The following RCC1L variants were observed in gnomAD, a reference collection of about 807,000 sequenced individuals.
RCC1L encodes the protein RCC1 like, also known as RCC1-like G exchanging factor-like protein.
RCC1L carries 46 observed loss-of-function variants against 58.6 expected under a neutral mutation model. The ratio of observed to expected loss-of-function variants is 0.79; its 90% CI spans 0.62 to 1.00. The LOEUF (loss-of-function observed/expected upper bound fraction) is 1.00. Ranked by LOEUF, RCC1L falls within the 50% of genes least tolerant of loss-of-function variation. The pLI is 0.00. For missense variants in RCC1L, 636 were observed against 623.6 expected (o/e 1.02, Z -0.21); for synonymous variants, 281 against 262.9 (o/e 1.07, Z -0.67).
intron 3 of RCC1L, among the ~76,000 whole-genome samples, chr7:75,065,332 A>G (rs1466625728): frequency 6.6e-6 from 1 of 152,184 alleles, no homozygotes; most frequent in Non-Finnish European, 1.5e-5. Flanking sequence ...AGGCAGGTGG[A>G]TCACTTGAGG....
downstream of RCC1L, among the ~76,000 whole-genome samples, chr7:75,039,817 G>C (rs1234050249): frequency 6.6e-6 from 1 of 152,176 alleles, no homozygotes; most frequent in Non-Finnish European, 1.5e-5. Flanking sequence ...TCACTAAAGC[G>C]AGAGGAGACG....
At chr7:75,060,203 C>T (rs1433777617) in intron 6 of RCC1L, among the ~76,000 whole-genome samples, 5 of 152,346 alleles carry the variant, frequency 3.3e-5, no homozygotes, top group Middle Eastern at 3.4e-3. Flanking sequence ...CATGGGTTGG[C>T]AGCTTATTGC....
chr7:75,065,792 C>T (rs587763449), intron 3 of RCC1L, among the ~76,000 whole-genome samples: 3 of 151,742 alleles, frequency 2.0e-5, no homozygotes, highest in African/African-American at 7.3e-5. Context: ...CCGAGGTGGG[C>T]GGATCACCTG....
chr7:75,052,907 AC>A (rs1366443178), intron 9 of RCC1L, 111 bp from the exon 10 acceptor site: 2 of 1,022,454 alleles, frequency 2.0e-6, no homozygotes, highest in East Asian at 5.1e-5. Context: ...TACAGAGCCC[AC>A]TGTTCAGCTT....
chr7:75,042,062 TA>T, downstream of RCC1L: 1 of 588,752 alleles, frequency 1.7e-6, no homozygotes, highest in Non-Finnish European at 2.1e-6. Flanking sequence ...AAAAATAAAA[TA>T]AAAAGACCTC....
downstream of RCC1L, among the ~76,000 whole-genome samples, chr7:75,038,576 T>C (rs1325488595): frequency 2.0e-5 from 3 of 149,676 alleles, no homozygotes; most frequent in Non-Finnish European, 4.4e-5. Flanking sequence ...TCCTACTCCA[T>C]GGGTGGGGGC....
chr7:75,035,823 G>T (rs1035143697), intron 10 of RCC1L, among the ~76,000 whole-genome samples: 2 of 151,900 alleles, frequency 1.3e-5, no homozygotes, highest in Non-Finnish European at 2.9e-5. Context: ...GCAACACAGT[G>T]AGGTCCCCCC....
downstream of RCC1L, among the ~76,000 whole-genome samples, chr7:75,038,387 G>C (rs1049170549): frequency 1.3e-5 from 2 of 151,710 alleles, no homozygotes; most frequent in African/African-American, 4.8e-5. Flanking sequence ...GAGTAGCTGG[G>C]ATTCCAGGCA....
intron 4 of RCC1L, among the ~76,000 whole-genome samples, chr7:75,064,193 G>A (rs1255561137): frequency 6.6e-6 from 1 of 151,862 alleles, no homozygotes; most frequent in East Asian, 1.9e-4. Context: ...AGCCGGGCCT[G>A]CTGGCACGTG....
intron 10 of RCC1L, among the ~76,000 whole-genome samples, chr7:75,051,848 A>G (rs1486615230): frequency 1.3e-5 from 2 of 152,202 alleles, no homozygotes; most frequent in Non-Finnish European, 2.9e-5. Context: ...CATGCACACC[A>G]GTCTCTATGC....
intron 2 of RCC1L, among the ~76,000 whole-genome samples, chr7:75,067,265 C>T (rs1012586349): frequency 6.7e-6 from 1 of 149,946 alleles, no homozygotes; most frequent in Non-Finnish European, 1.5e-5. Flanking sequence ...TGCGCCATTG[C>T]ACTTCAGCCT....
rs983507165 is a variant in RCC1L at position 75,058,326 on chromosome 7, C to T, written c.969+262G>A. The T allele has an allele frequency of 5.2e-5, 23 of 442,342 alleles. No homozygotes were observed. The East Asian group carries it at 8.2e-4, about 16-fold the overall frequency. The allele number at this position is 442,342 out of a possible 1,614,324, so 27.4% of individuals were successfully genotyped here. On this transcript the variant is annotated intron_variant, in intron 7 of 10. Transcript: ENST00000610322. ...ATCTCAGCTCACTGCAATCTGCAAGCGATTCAATTCTCATGCCTCAGCCTC... is the reference window on the plus strand; with the variant it reads ...ATCTCAGCTCACTGCAATCTGCAAGTGATTCAATTCTCATGCCTCAGCCTC...
At chr7:75,064,147 T>C (rs1299560998) in intron 4 of RCC1L, among the ~76,000 whole-genome samples, 1 of 151,930 alleles carries the variant, frequency 6.6e-6, no homozygotes, top group African/African-American at 2.4e-5. Context: ...CTGGCCAATA[T>C]GGTGAAACCC....
Position 75,042,621 on chromosome 7 carries a change from C to T in RCC1L, c.*411G>A, listed in dbSNP as rs1003283291. The T allele has an allele frequency of 4.2e-5, 44 of 1,037,074 alleles. No individual in the cohort carries two copies. In the East Asian group the frequency reaches 1.0e-3, roughly 24 times the overall value. 64.2% of individuals were successfully genotyped at this position (1,037,074 alleles called of 1,614,324 possible). A position where few individuals can be genotyped will look rare whatever the true frequency, so the allele number is the denominator to read the frequency against. ...AAGCTGGGGCTCGGTCCGAGGCACA[C>T]GCATGGCCTTGGCCAGACACAAACC... On this transcript the variant is annotated 3_prime_UTR_variant, in exon 11 of 11. Transcript: ENST00000610322.
intron 4 of RCC1L, among the ~76,000 whole-genome samples, chr7:75,063,963 G>A (rs1054696306): frequency 4.7e-4 from 72 of 151,772 alleles, no homozygotes; most frequent in Non-Finnish European, 9.0e-4. Context: ...TGAAAAAAAT[G>A]AAATAAAAAT....
Position 75,056,036 on chromosome 7 carries a change from C to A in RCC1L, c.1096G>T (p.Gly366Trp), listed in dbSNP as rs782599407. 2 of 1,613,918 alleles carry A rather than the reference C, an allele frequency of 1.2e-6. No individual in the cohort carries two copies. Among genetic ancestry groups the A allele is most frequent in the Non-Finnish European group, 8.5e-7 (1 of 1,179,858 alleles). ...CTTTCCACTAGGTTTGGACCTTTCC[C>A]AAGAATTCCATAGCCCCAGACAAAA... ...HVFVWGYGIL[G>W]KGPNLVESAV... Residue 366 changes from glycine to tryptophan, a missense_variant, in exon 9 of 11, where the codon GGG (glycine) becomes TGG (tryptophan). Physicochemically the swap from Gly to Trp is radical, Grantham distance 184. Transcript: ENST00000610322.
At chr7:75,032,460 G>C (rs1200019899) in intron 10 of RCC1L, among the ~76,000 whole-genome samples, 1 of 152,202 alleles carries the variant, frequency 6.6e-6, no homozygotes, top group Non-Finnish European at 1.5e-5. Flanking sequence ...GGACACTGGG[G>C]CTGTGCCAGC....
chr7:75,032,282 G>A (rs1432066269), intron 10 of RCC1L, among the ~76,000 whole-genome samples: 1 of 152,162 alleles, frequency 6.6e-6, no homozygotes, highest in African/African-American at 2.4e-5. Context: ...AAGGGTCAGG[G>A]GCTGGTTGCC....
intron 2 of RCC1L, 134 bp from the exon 3 acceptor site, chr7:75,066,926 C>T (rs976321973): frequency 1.2e-5 from 15 of 1,245,868 alleles, no homozygotes; most frequent in South Asian, 6.8e-5. Flanking sequence ...GTAAGTTAGG[C>T]GCAGAGCAAG....
Sources: gnomAD v4.1 joint callset for allele counts (sites outside exome capture counted in the v4.1 genomes callset) on GRCh38, gnomAD v4.1.1 for gene constraint, MANE v1.5 for transcripts, NCBI Gene and HGNC (gene_info 2026-07-23, HGNC 2026-07-21) for gene names.